Variants in HK1 observed in about 807,000 individuals in gnomAD.
HK1 encodes hexokinase-1.
Under a neutral mutation model 91.6 loss-of-function variants are expected in HK1, and 28 were observed. That is an observed-to-expected ratio of 0.31 (90% CI 0.23 to 0.42). The LOEUF is 0.42. HK1 is among the 10% of genes least tolerant of loss of function. The probability of loss-of-function intolerance (pLI) is 1.00; values close to 1 mark genes in which losing one functional copy is unlikely to be tolerated. For missense variants in HK1, 770 were observed against 1,219.8 expected, an observed-to-expected ratio of 0.63 and a Z score of 5.49; for synonymous variants, 430 against 468.1, an observed-to-expected ratio of 0.92 and a Z score of 1.05.
At chr10:69,329,415 C>G (rs540572202) in intron 1 of HK1, among the ~76,000 whole-genome samples, 46 of 152,272 alleles carry the variant, frequency 3.0e-4, no homozygotes, top group African/African-American at 1.1e-3. Flanking sequence ...CCCACCTTAG[C>G]CTCCCAAAGT....
At position 69,394,993 on chromosome 10, in the gene HK1, C is replaced by T. The variant is rs762936110; in HGVS notation, c.2263C>T (p.Arg755Cys). The change falls in exon 16 of 18, where the codon CGC (arginine) becomes TGC (cysteine). Residue 755 changes from arginine to cysteine, a missense_variant. Coordinates refer to ENST00000359426, the MANE Select transcript of HK1 (RefSeq NM_000188.3). ...TGGTATGTACCTGGGTGAAATCGTC[C>T]GCAACATCTTAATCGACTTCACCAA... is the stretch of plus-strand genomic sequence containing the variant. ...ISGMYLGEIVRNILIDFTKKG... is the reference protein window; with the variant it reads ...ISGMYLGEIVCNILIDFTKKG... The T allele has an allele frequency of 1.9e-6, 3 of 1,613,924 alleles. No homozygotes were observed. Among genetic ancestry groups the T allele is most frequent in the African/African-American group, 1.3e-5 (1 of 74,872 alleles).
At chr10:69,283,290 TA>T (rs541841675) in intron 2 of HK1, among the ~76,000 whole-genome samples, 17,688 of 135,428 alleles carry the variant, frequency 0.13, 2,178 homozygotes, top group African/African-American at 0.33. Flanking sequence ...CTACCAAAAT[TA>T]AAAAAAAAAA....
chr10:69,350,298 A>T (rs897000981), intron 2 of HK1, among the ~76,000 whole-genome samples: 2 of 152,158 alleles, frequency 1.3e-5, no homozygotes, highest in African/African-American at 2.4e-5. Context: ...TAGGTGAAAA[A>T]TGGGAGGGTA....
intron 4 of HK1, among the ~76,000 whole-genome samples, chr10:69,298,320 G>T (rs970625890): frequency 6.6e-6 from 1 of 151,828 alleles, no homozygotes; most frequent in African/African-American, 2.4e-5. Flanking sequence ...GGTTTTAAAA[G>T]ATTTCTGCAT....
chr10:69,322,000 G>A (rs979563485), intron 1 of HK1, among the ~76,000 whole-genome samples: 4 of 152,222 alleles, frequency 2.6e-5, no homozygotes, highest in African/African-American at 9.6e-5. Context: ...GCAGCTAGAG[G>A]CTGGGTTCTT....
intron 2 of HK1, among the ~76,000 whole-genome samples, chr10:69,359,132 A>G (rs72807722): frequency 0.082 from 12,522 of 152,230 alleles, 661 homozygotes; most frequent in African/African-American, 0.15. Flanking sequence ...AGCCGGTCAC[A>G]AAAGGACAAA....
rs193107329 is a variant in HK1, at chr10:69,365,680, C to T, written c.495+778C>T. Among the ~76,000 whole-genome samples, 20 of 152,224 alleles carry T rather than the reference C, an allele frequency of 1.3e-4. No individual in the cohort carries two copies. The East Asian group carries it at 3.7e-3, about 28-fold the overall frequency. ...ATCACTTAAGTCCAGGAGTTCAAGA[C>T]CAGCCTGGGCAATCTGTACAAAAAG... is the stretch of plus-strand genomic sequence containing the variant. On this transcript the variant is annotated intron_variant, in intron 4 of 17. Transcript: ENST00000359426.
chr10:69,385,017 T>A, intron 12 of HK1, 102 bp downstream of exon 12: 2 of 1,276,892 alleles, frequency 1.6e-6, no homozygotes, highest in Non-Finnish European at 2.3e-6. Context: ...GTGTCATTCC[T>A]AGATGACAGT....
chr10:69,364,485 T>G (rs1849594902), intron 3 of HK1, among the ~76,000 whole-genome samples: 1 of 152,094 alleles, frequency 6.6e-6, no homozygotes, highest in Admixed American at 6.5e-5. Flanking sequence ...ATTTTTCCAT[T>G]TTTCTCAGTA....
intron 16 of HK1, among the ~76,000 whole-genome samples, chr10:69,395,930 T>C (rs2132958155): frequency 6.6e-6 from 1 of 152,264 alleles, no homozygotes; most frequent in Non-Finnish European, 1.5e-5. Flanking sequence ...ACAAAAGCAA[T>C]TGTGCAAATA....
chr10:69,375,705 G>A (rs1839060810), intron 7 of HK1, among the ~76,000 whole-genome samples: 1 of 152,186 alleles, frequency 6.6e-6, no homozygotes. Flanking sequence ...AGGAGCGGCG[G>A]GCTGCTCTGA....
intron 17 of HK1, among the ~76,000 whole-genome samples, chr10:69,400,551 T>C (rs1840340283): frequency 6.6e-6 from 1 of 152,190 alleles, no homozygotes; most frequent in African/African-American, 2.4e-5. Flanking sequence ...CCTGCCTTAA[T>C]GATCCATGTC....
intron 1 of HK1, among the ~76,000 whole-genome samples, chr10:69,270,630 A>T (rs1197151019): frequency 6.6e-6 from 1 of 152,088 alleles, no homozygotes; most frequent in Non-Finnish European, 1.5e-5. Flanking sequence ...TCATTTTCTA[A>T]CCTTTAAGTG....
chr10:69,335,855 C>T (rs897782215), intron 1 of HK1, among the ~76,000 whole-genome samples: 7 of 152,154 alleles, frequency 4.6e-5, no homozygotes, highest in African/African-American at 4.8e-5. Flanking sequence ...GTCATCGGAC[C>T]GGGAGGGGTC....
intron 7 of HK1, among the ~76,000 whole-genome samples, chr10:69,374,377 G>T (rs928009679): frequency 6.6e-6 from 1 of 152,190 alleles, no homozygotes; most frequent in South Asian, 2.1e-4. Context: ...ACGCTGCCAC[G>T]CCGCCTCTCA....
chr10:69,289,461 A>AT (rs67564699), intron 3 of HK1, among the ~76,000 whole-genome samples: 1,924 of 112,530 alleles, frequency 0.017, 130 homozygotes, highest in African/African-American at 0.069. Context: ...AAAAAAAAAA[A>AT]TTTTTTTTTT....
At chr10:69,373,998 G>A (rs559217258) in intron 7 of HK1, among the ~76,000 whole-genome samples, 3 of 152,208 alleles carry the variant, frequency 2.0e-5, no homozygotes, top group South Asian at 4.2e-4. Context: ...AAAATGCAGA[G>A]CCCCCACCCC....
chr10:69,335,726 C>A (rs750883771), intron 1 of HK1, among the ~76,000 whole-genome samples: 1 of 152,146 alleles, frequency 6.6e-6, no homozygotes, highest in Admixed American at 6.5e-5. Flanking sequence ...ATTAGAGAGG[C>A]CTTTATAGGT....
intron 15 of HK1, among the ~76,000 whole-genome samples, chr10:69,392,629 G>GAGGGTGGC (rs931082093): frequency 3.3e-5 from 5 of 152,188 alleles, no homozygotes; most frequent in African/African-American, 1.2e-4. Context: ...GGGGTGGGGT[G>GAGGGTGGC]AGGGTGGCTG....
Sources: allele counts gnomAD v4.1 joint callset (sites outside exome capture counted in the v4.1 genomes callset), GRCh38; gene constraint gnomAD v4.1.1; transcripts MANE v1.5; gene names NCBI Gene and HGNC (gene_info 2026-07-23, HGNC 2026-07-21).